Variants in ABCC4 observed in about 807,000 individuals in gnomAD.
ABCC4 encodes ATP-binding cassette sub-family C member 4.
A neutral mutation model predicts 168.5 loss-of-function variants in ABCC4; 102 were observed. The observed-to-expected ratio is 0.61, with a 90% CI of 0.52 to 0.71. The LOEUF (loss-of-function observed/expected upper bound fraction) is 0.71, where lower values mean the gene tolerates loss of function less well. Among genes scored for constraint, ABCC4 ranks in the 30% least tolerant of loss-of-function variants. The probability of loss-of-function intolerance (pLI) is 0.00; values close to 1 mark genes in which losing one functional copy is unlikely to be tolerated. For synonymous variants in ABCC4, 617 were observed against 590.7 expected (o/e 1.04, Z -0.65); for missense variants, 1,402 against 1,605.8 (o/e 0.87, Z 2.17).
chr13:95,252,442 G>A (rs929309730), intron 1 of ABCC4, among the ~76,000 whole-genome samples: 20 of 152,268 alleles, frequency 1.3e-4, no homozygotes, highest in African/African-American at 4.6e-4. Flanking sequence ...TTGGGAGGCC[G>A]AGGCAGGTGG....
chr13:95,270,296 T>C (rs1331394311), intron 1 of ABCC4, among the ~76,000 whole-genome samples: 2 of 140,392 alleles, frequency 1.4e-5, no homozygotes, highest in African/African-American at 5.2e-5. Flanking sequence ...CATCTTTTAA[T>C]ACAGTGATTT....
In ABCC4 at chr13:95,289,535, G is replaced by A. The variant is rs114309604; in HGVS notation, c.74+11706C>T. The stretch of plus-strand genomic sequence containing the variant: ...GGTTACTATAAAAATCGAAGAACCC[G>A]GCATCTCTAACAACATCCCTGGCAC... On this transcript the variant is annotated intron_variant, in intron 1 of 30. Coordinates refer to ENST00000645237, the MANE Select transcript of ABCC4 (RefSeq NM_005845.5). 2.7e-3 allele frequency among the ~76,000 whole-genome samples: 416 copies of A among 152,148 alleles called. 4 individuals are homozygous for A. The highest frequency in any genetic ancestry group is 9.6e-3 in the African/African-American group (397 of 41,510).
At chr13:95,252,449 G>A (rs1263038248) in intron 1 of ABCC4, among the ~76,000 whole-genome samples, 1 of 152,164 alleles carries the variant, frequency 6.6e-6, no homozygotes, top group Admixed American at 6.5e-5. Context: ...GCCGAGGCAG[G>A]TGGATTGCCT....
chr13:95,074,179 T>TAAATAA, intron 23 of ABCC4, 35 bp downstream of exon 23: 1 of 1,486,288 alleles, frequency 6.7e-7, no homozygotes, highest in Non-Finnish European at 9.3e-7. Context: ...TAAATTGTAA[T>TAAATAA]CATACCATAC....
chr13:95,209,131 T>C (rs1399741737), intron 6 of ABCC4, among the ~76,000 whole-genome samples: 1 of 152,246 alleles, frequency 6.6e-6, no homozygotes, highest in African/African-American at 2.4e-5. Flanking sequence ...CAATTTATCA[T>C]TATTCATTAT....
At chr13:95,255,430 C>T (rs1031255348) in intron 1 of ABCC4, among the ~76,000 whole-genome samples, 1 of 152,110 alleles carries the variant, frequency 6.6e-6, no homozygotes, top group Admixed American at 6.5e-5. Context: ...TAAAGTTCAA[C>T]GATCACCAGA....
At chr13:95,186,622 G>T (rs1364447752) in intron 11 of ABCC4, 79 bp downstream of exon 11, 4 of 1,375,506 alleles carry the variant, frequency 2.9e-6, no homozygotes, top group South Asian at 2.9e-5. Context: ...TTAAAAAAAA[G>T]TTAATAAACC....
intron 30 of ABCC4, among the ~76,000 whole-genome samples, chr13:95,024,747 G>A (rs1461688876): frequency 6.6e-6 from 1 of 152,138 alleles, no homozygotes; most frequent in Non-Finnish European, 1.5e-5. Context: ...TTGTCAAAGA[G>A]TAATGGAGAC....
chr13:95,069,819 T>C (rs2033666843), intron 25 of ABCC4, among the ~76,000 whole-genome samples: 1 of 152,216 alleles, frequency 6.6e-6, no homozygotes, highest in African/African-American at 2.4e-5. Context: ...GTCTGGATAA[T>C]ATTCCATTAT....
intron 1 of ABCC4, among the ~76,000 whole-genome samples, chr13:95,280,948 A>G (rs1036584087): frequency 2.6e-5 from 4 of 152,142 alleles, no homozygotes; most frequent in African/African-American, 9.7e-5. Context: ...CAAGGACTAC[A>G]TTATATTTTA....
At chr13:95,057,652 G>A (rs762535146) in intron 26 of ABCC4, among the ~76,000 whole-genome samples, 1 of 152,174 alleles carries the variant, frequency 6.6e-6, no homozygotes, top group African/African-American at 2.4e-5. Flanking sequence ...ACGAATTTGA[G>A]TTGCTAATGG....
At chr13:95,133,694 C>G (rs903997865) in intron 19 of ABCC4, among the ~76,000 whole-genome samples, 5 of 151,902 alleles carry the variant, frequency 3.3e-5, no homozygotes, top group Non-Finnish European at 7.4e-5. Context: ...GAGAGCAAAG[C>G]GAAGAACAAC....
intron 3 of ABCC4, among the ~76,000 whole-genome samples, chr13:95,243,622 C>G (rs1473852864): frequency 1.3e-5 from 2 of 152,174 alleles, no homozygotes; most frequent in Non-Finnish European, 2.9e-5. Context: ...CACAGTGGCT[C>G]ACACCTGTAA....
intron 1 of ABCC4, among the ~76,000 whole-genome samples, chr13:95,294,845 T>C (rs1410898832): frequency 1.3e-5 from 2 of 151,448 alleles, no homozygotes; most frequent in Non-Finnish European, 2.9e-5. Flanking sequence ...TCCCAGCTAT[T>C]TGGGAGGCTG....
intron 19 of ABCC4, among the ~76,000 whole-genome samples, chr13:95,128,540 T>G (rs1444777872): frequency 6.6e-6 from 1 of 152,182 alleles, no homozygotes; most frequent in Non-Finnish European, 1.5e-5. Context: ...GTGCAACTCT[T>G]TCCTTCCCAA....
chr13:95,285,162 C>G (rs912113725), intron 1 of ABCC4, among the ~76,000 whole-genome samples: 4 of 152,158 alleles, frequency 2.6e-5, no homozygotes, highest in Admixed American at 6.6e-5. Context: ...ATTAGAGAAT[C>G]ACTTGAGCCC....
At chr13:95,249,834 A>AAC (rs2040208627) in intron 1 of ABCC4, among the ~76,000 whole-genome samples, 1 of 152,304 alleles carries the variant, frequency 6.6e-6, no homozygotes, top group South Asian at 2.1e-4. Flanking sequence ...AAAATTAAGG[A>AAC]AAGTGAGAAT....
intron 11 of ABCC4, among the ~76,000 whole-genome samples, chr13:95,181,673 A>G (rs568278839): frequency 6.6e-6 from 1 of 152,288 alleles, no homozygotes; most frequent in African/African-American, 2.4e-5. Flanking sequence ...CAACCTGCCA[A>G]GTAAGTAGTG....
intron 20 of ABCC4, 63 bp downstream of exon 20, chr13:95,115,859 G>C (rs2035359055): frequency 2.1e-6 from 3 of 1,417,034 alleles, no homozygotes; most frequent in Non-Finnish European, 2.0e-6. Context: ...CCCATGAAAA[G>C]GGCTTGAAAA....
Sources: gnomAD v4.1 joint callset for allele counts (sites outside exome capture counted in the v4.1 genomes callset) on GRCh38, gnomAD v4.1.1 for gene constraint, MANE v1.5 for transcripts, NCBI Gene and HGNC (gene_info 2026-07-23, HGNC 2026-07-21) for gene names.